The following LIMK1 variants were observed in gnomAD, a reference collection of about 807,000 sequenced individuals.
The protein encoded by LIMK1 is LIM domain kinase 1, also known as LIM motif-containing protein kinase.
A neutral mutation model predicts 77.6 loss-of-function variants in LIMK1; 21 were observed. The observed-to-expected ratio is 0.27, with a 90% CI of 0.19 to 0.39. LIMK1 has a LOEUF of 0.39. LIMK1 is among the 10% of genes least tolerant of loss of function. LIMK1 has a pLI of 1.00. For synonymous variants in LIMK1, 358 were observed against 370.0 expected, an observed-to-expected ratio of 0.97 and a Z score of 0.37; for missense variants, 696 against 901.6, an observed-to-expected ratio of 0.77 and a Z score of 2.92.
intron 7 of LIMK1, 118 bp downstream of exon 7, chr7:74,106,361 G>T: frequency 8.5e-7 from 1 of 1,173,092 alleles, no homozygotes; most frequent in Non-Finnish European, 1.2e-6. Context: ...CTTGAGCCAG[G>T]GAGGTGGAGG....
intron 2 of LIMK1, among the ~76,000 whole-genome samples, chr7:74,087,820 C>T (rs1367326586): frequency 6.6e-6 from 1 of 152,176 alleles, no homozygotes; most frequent in Non-Finnish European, 1.5e-5. Context: ...GAACTCCTGA[C>T]CTCAAGTGAT....
Position 74,099,401 on chromosome 7 carries a change from T to G in LIMK1, c.608+163T>G, listed in dbSNP as rs534361976. Among the ~76,000 whole-genome samples the G allele has an allele frequency of 1.3e-4, 20 of 152,282 alleles. No homozygotes were observed. The East Asian group carries it at 3.9e-3, about 29-fold the overall frequency. On this transcript the variant is annotated intron_variant, in intron 5 of 15. Coordinates refer to ENST00000336180, the MANE Select transcript of LIMK1 (RefSeq NM_002314.4). ...TTTGCCAGATTTCTGGCCCAGTCAT[T>G]CCTCTGAATACCATTACAAATGCCA...
chr7:74,113,764 C>G (rs1304355973), intron 12 of LIMK1, among the ~76,000 whole-genome samples: 1 of 152,120 alleles, frequency 6.6e-6, no homozygotes, highest in Non-Finnish European at 1.5e-5. Context: ...GCCCTCATGA[C>G]CCAATCACCT....
chr7:74,088,762 A>T, intron 2 of LIMK1, among the ~76,000 whole-genome samples: 1 of 147,872 alleles, frequency 6.8e-6, no homozygotes, highest in Admixed American at 7.1e-5. Context: ...AGATCACGTC[A>T]CTGCACTCCA....
chr7:74,112,299 C>T (rs1799715613), intron 12 of LIMK1, among the ~76,000 whole-genome samples: 1 of 152,178 alleles, frequency 6.6e-6, no homozygotes, highest in Admixed American at 6.6e-5. Context: ...AGGACCAGGA[C>T]CGTGGTCTTC....
At chr7:74,116,703 C>CTTTT (rs201510427) in intron 13 of LIMK1, among the ~76,000 whole-genome samples, 1 of 145,308 alleles carries the variant, frequency 6.9e-6, no homozygotes, top group African/African-American at 2.5e-5. Context: ...AACCTTCCTC[C>CTTTT]TTTTTTTTTT....
At chr7:74,092,136 TTG>T (rs1172265059) in intron 2 of LIMK1, among the ~76,000 whole-genome samples, 2 of 151,728 alleles carry the variant, frequency 1.3e-5, no homozygotes, top group Non-Finnish European at 2.9e-5. Context: ...TGGCTAATTT[TTG>T]TGTTTTTAAT....
At chr7:74,108,859 C>G (rs1563920909) in intron 9 of LIMK1, 46 bp from the exon 10 acceptor site, 1 of 1,599,314 alleles carries the variant, frequency 6.3e-7, no homozygotes, top group African/African-American at 1.3e-5. Context: ...CCAAGCACAG[C>G]TGGGACCACA....
At chr7:74,108,626 C>T (rs1200790685) in intron 9 of LIMK1, among the ~76,000 whole-genome samples, 3 of 145,338 alleles carry the variant, frequency 2.1e-5, no homozygotes, top group African/African-American at 2.6e-5. Flanking sequence ...CCAGCCTGGG[C>T]GACAGAGTGA....
In LIMK1 at chr7:74,120,658, G is replaced by A; in HGVS notation, c.1623+20G>A. The A allele has an allele frequency of 6.2e-7, 1 of 1,613,948 alleles. No homozygotes were observed. On this transcript the variant is annotated intron_variant, in intron 14 of 15. Transcript: ENST00000336180. ...TGCGAGGTAGGTCCAGGGTTGGGTA[G>A]CAGCGGTGTTGAGGCCTGGGCTCCT... is the stretch of plus-strand genomic sequence containing the variant.
intron 4 of LIMK1, among the ~76,000 whole-genome samples, chr7:74,097,761 G>A (rs1319042593): frequency 6.6e-5 from 10 of 152,192 alleles, no homozygotes; most frequent in Admixed American, 6.5e-4. Flanking sequence ...TGGGGTGGAT[G>A]CCACAAGTTA....
At chr7:74,092,661 C>G (rs1554694947) in intron 2 of LIMK1, among the ~76,000 whole-genome samples, 1 of 152,220 alleles carries the variant, frequency 6.6e-6, no homozygotes, top group African/African-American at 2.4e-5. Flanking sequence ...ACCCCCAGGG[C>G]TGCCGCATCC....
In LIMK1 at chr7:74,121,180, G is replaced by T. The variant is rs782270979; in HGVS notation, c.1823G>T (p.Arg608Leu). The T allele has an allele frequency of 1.9e-6, 3 of 1,613,538 alleles. No homozygotes were observed. The highest frequency in any genetic ancestry group is 2.5e-6 in the Non-Finnish European group (3 of 1,179,926). Residue 608 changes from arginine to leucine, a missense_variant, in exon 16 of 16, where the codon CGC (arginine) becomes CTC (leucine). Arg to Leu is a moderately radical substitution (Grantham distance 102, BLOSUM62 -2). Transcript: ENST00000336180. The part of the protein sequence containing the change: ...VKLEHWLETL[R>L]MHLAGHLPLG... Reference sequence around the variant, plus strand: ...CTGGAACACTGGCTGGAGACCCTCCGCATGCACCTGGCCGGCCACCTGCCA... The same window carrying T: ...CTGGAACACTGGCTGGAGACCCTCCTCATGCACCTGGCCGGCCACCTGCCA...
chr7:74,093,082 TC>T, intron 2 of LIMK1: 4 of 1,388,736 alleles, frequency 2.9e-6, no homozygotes, highest in Non-Finnish European at 3.8e-6. Context: ...TCAGACCAAG[TC>T]CCCTGGCACC....
intron 2 of LIMK1, among the ~76,000 whole-genome samples, chr7:74,094,611 G>C (rs1799303734): frequency 6.6e-6 from 1 of 152,204 alleles, no homozygotes; most frequent in Non-Finnish European, 1.5e-5. Context: ...GCTTCTGCGA[G>C]GGCAGGACCC....
At position 74,111,941 on chromosome 7, in the gene LIMK1, CCA is replaced by C; in HGVS notation, c.1355_1356del (p.His452LeufsTer26). 1 of 1,609,032 alleles carries C rather than the reference CCA, an allele frequency of 6.2e-7. No homozygotes were observed. The highest frequency in any genetic ancestry group is 8.5e-7 in the Non-Finnish European group (1 of 1,178,190). On this transcript the variant is annotated frameshift_variant, in exon 12 of 16. Coordinates refer to ENST00000336180, the MANE Select transcript of LIMK1 (RefSeq NM_002314.4). LOFTEE classifies it high-confidence loss of function. ...CGTGTCCCCGTCCCTAGGCCTACCT[CCA>C]CTCCATGAACATCATCCACCGAGAC... ...KDIASGMAYL[H>X]SMNIIHRDLN... is the part of the protein sequence containing the mutation.
At chr7:74,103,656 G>C (rs1190811982) in intron 5 of LIMK1, among the ~76,000 whole-genome samples, 4 of 152,104 alleles carry the variant, frequency 2.6e-5, no homozygotes, top group Non-Finnish European at 5.9e-5. Context: ...CAAATGATTT[G>C]AGCATCTATT....
At chr7:74,100,474 G>T (rs1554696365) in intron 5 of LIMK1, among the ~76,000 whole-genome samples, 1 of 152,148 alleles carries the variant, frequency 6.6e-6, no homozygotes, top group African/African-American at 2.4e-5. Context: ...CCAGTCTGGG[G>T]TGCAGTGGTG....
chr7:74,093,615 C>T (rs1301141654), intron 2 of LIMK1, among the ~76,000 whole-genome samples: 3 of 152,188 alleles, frequency 2.0e-5, no homozygotes, highest in Admixed American at 2.0e-4. Flanking sequence ...CAGCCAGCCA[C>T]CTGGGCTGCA....
Sources: allele counts gnomAD v4.1 joint callset (sites outside exome capture counted in the v4.1 genomes callset), GRCh38; gene constraint gnomAD v4.1.1; transcripts MANE v1.5; gene names NCBI Gene and HGNC (gene_info 2026-07-23, HGNC 2026-07-21).